The following RAPGEF6 variants were observed in gnomAD, a reference collection of about 807,000 sequenced individuals.
RAPGEF6 encodes Rap guanine nucleotide exchange factor 6.
In RAPGEF6, 56 loss-of-function variants were observed where a neutral mutation model predicts 171.4. The ratio of observed to expected loss-of-function variants is 0.33; its 90% CI spans 0.26 to 0.41. The LOEUF is 0.41. RAPGEF6 is among the 10% of genes least tolerant of loss of function. The pLI is 1.00. For missense variants in RAPGEF6, 1,674 were observed against 1,921.4 expected (o/e 0.87, Z 2.41); for synonymous variants, 692 against 650.1 (o/e 1.06, Z -0.98).
intron 25 of RAPGEF6, among the ~76,000 whole-genome samples, chr5:131,432,865 A>G (rs1247256514): frequency 6.6e-6 from 1 of 152,174 alleles, no homozygotes; most frequent in Non-Finnish European, 1.5e-5. Flanking sequence ...TAAATTTTTC[A>G]TATTAAAGTA....
At chr5:131,562,083 T>C in intron 4 of RAPGEF6, 36 bp from the exon 5 acceptor site, 1 of 1,393,192 alleles carries the variant, frequency 7.2e-7, no homozygotes, top group Non-Finnish European at 9.9e-7. Flanking sequence ...TTAGCAAAGG[T>C]TATTAATAAA....
intron 23 of RAPGEF6, 94 bp from the exon 24 acceptor site, chr5:131,439,809 C>A: frequency 1.3e-6 from 2 of 1,509,592 alleles, no homozygotes; most frequent in South Asian, 2.6e-5. Context: ...CTATGATGCA[C>A]AATGGCTAGT....
At chr5:131,596,037 C>A (rs1159503816) in intron 3 of RAPGEF6, among the ~76,000 whole-genome samples, 1 of 151,850 alleles carries the variant, frequency 6.6e-6, no homozygotes, top group East Asian at 1.9e-4. Flanking sequence ...GCCTGTAATA[C>A]CAGCTACTTG....
At chr5:131,632,651 G>A (rs1393933889) in intron 1 of RAPGEF6, among the ~76,000 whole-genome samples, 2 of 152,164 alleles carry the variant, frequency 1.3e-5, no homozygotes, top group Non-Finnish European at 2.9e-5. Context: ...GCCTTCAGCT[G>A]CTAGACTCCC....
chr5:131,546,243 C>A (rs1352145060), intron 6 of RAPGEF6, among the ~76,000 whole-genome samples: 3 of 152,126 alleles, frequency 2.0e-5, no homozygotes. Flanking sequence ...ATTAATTCTA[C>A]CTCTTGACAT....
chr5:131,500,327 G>A (rs1354892523), intron 11 of RAPGEF6, among the ~76,000 whole-genome samples: 5 of 152,138 alleles, frequency 3.3e-5, no homozygotes, highest in Non-Finnish European at 7.3e-5. Context: ...CTAAGCCTAA[G>A]AGTACCAAAT....
chr5:131,438,864 G>A (rs1035787816), intron 24 of RAPGEF6, among the ~76,000 whole-genome samples: 2 of 152,094 alleles, frequency 1.3e-5, no homozygotes, highest in African/African-American at 2.4e-5. Context: ...ACTAAAAAAG[G>A]AAAAGCATAT....
At chr5:131,580,935 T>C (rs773942577) in intron 4 of RAPGEF6, among the ~76,000 whole-genome samples, 7 of 152,184 alleles carry the variant, frequency 4.6e-5, no homozygotes, top group Non-Finnish European at 8.8e-5. Flanking sequence ...GTCTCCCTCA[T>C]GACACCAACA....
chr5:131,595,264 C>A (rs564881542), intron 3 of RAPGEF6, among the ~76,000 whole-genome samples: 2 of 142,766 alleles, frequency 1.4e-5, no homozygotes, highest in East Asian at 4.2e-4. Flanking sequence ...TGTGGCATTT[C>A]CCCCCATCGC....
At chr5:131,433,743 C>A (rs954402699) in intron 24 of RAPGEF6, 85 bp from the exon 25 acceptor site, 196 of 956,510 alleles carry the variant, frequency 2.0e-4, no homozygotes, top group Non-Finnish European at 2.4e-4. Context: ...AAAAAAAAAA[C>A]CCCACAAAAA....
At chr5:131,495,411 A>G (rs1298245949) in intron 13 of RAPGEF6, 142 bp downstream of exon 13, 10 of 507,564 alleles carry the variant, frequency 2.0e-5, no homozygotes, top group Admixed American at 3.9e-5. Context: ...TAAATGAACA[A>G]AAGTCTAGAA....
chr5:131,572,574 G>A (rs749106597), intron 4 of RAPGEF6, among the ~76,000 whole-genome samples: 1 of 152,114 alleles, frequency 6.6e-6, no homozygotes, highest in Non-Finnish European at 1.5e-5. Context: ...CTGTGGAGAT[G>A]CCTGCTTTGG....
chr5:131,532,113 T>C (rs1436098058), intron 6 of RAPGEF6: 4 of 449,146 alleles, frequency 8.9e-6, no homozygotes, highest in Admixed American at 7.5e-5. Flanking sequence ...TGGAGGCCCA[T>C]GGCTGAAGAC....
At position 131,453,274 on chromosome 5, in the gene RAPGEF6, C is replaced by T. The variant is rs76067705; in HGVS notation, c.3077-97G>A. 1.1e-4 allele frequency: 166 copies of T among 1,457,000 alleles called. No individual in the cohort carries two copies. The East Asian group carries it at 4.0e-3, about 36-fold the overall frequency. 90.3% of individuals were successfully genotyped at this position (1,457,000 alleles called of 1,614,324 possible). A position where few individuals can be genotyped will look rare whatever the true frequency, so the allele number is the denominator to read the frequency against. The stretch of plus-strand genomic sequence containing the variant: ...TAATCTTGAGGGGCACAAAGAAGGA[C>T]CTTCTTTATCACAGTGCCAATTTTG... On this transcript the variant is annotated intron_variant, in intron 20 of 27. Coordinates refer to ENST00000509018, the MANE Select transcript of RAPGEF6 (RefSeq NM_016340.6).
At chr5:131,593,441 G>T (rs1763704265) in intron 3 of RAPGEF6, among the ~76,000 whole-genome samples, 1 of 152,238 alleles carries the variant, frequency 6.6e-6, no homozygotes, top group East Asian at 1.9e-4. Context: ...GTGGGGCACT[G>T]CTACAAAGAT....
rs1331870152 is a variant in RAPGEF6, at chr5:131,431,060, C to A, written c.4264G>T (p.Gly1422Trp). The part of the protein sequence containing the change: ...SCSKSCSRTC[G>W]QCKGSLERKS... ...CTCTCTAGGCTTCCTTTACACTGCC[C>A]ACAAGTTCTAGAGCAGCTTTTAGAA... Residue 1422 changes from glycine (G) to tryptophan (W), a missense_variant, in exon 26 of 28, where the codon GGG (glycine) becomes TGG (tryptophan). By Grantham distance (184) the Gly-to-Trp change is radical. Coordinates refer to ENST00000509018, the MANE Select transcript of RAPGEF6 (RefSeq NM_016340.6). 2 of 1,614,024 alleles carry A rather than the reference C, an allele frequency of 1.2e-6. No homozygotes were observed. Among genetic ancestry groups the A allele is most frequent in the Admixed American group, 1.7e-5 (1 of 60,006 alleles).
chr5:131,580,156 T>C (rs1016503711), intron 4 of RAPGEF6, among the ~76,000 whole-genome samples: 2 of 152,120 alleles, frequency 1.3e-5, no homozygotes, highest in Non-Finnish European at 2.9e-5. Flanking sequence ...CATGGCGGGC[T>C]GCAGGTCCCC....
At chr5:131,512,600 A>G (rs1757809819) in intron 7 of RAPGEF6, among the ~76,000 whole-genome samples, 2 of 152,200 alleles carry the variant, frequency 1.3e-5, no homozygotes, top group Admixed American at 1.3e-4. Context: ...CACAGCTTTA[A>G]GTAATAGTCA....
chr5:131,542,764 A>G (rs912395682), intron 6 of RAPGEF6, among the ~76,000 whole-genome samples: 5 of 152,230 alleles, frequency 3.3e-5, no homozygotes, highest in Non-Finnish European at 7.4e-5. Flanking sequence ...GACAAAGAAT[A>G]AAAGTACATC....
Sources: gnomAD v4.1 joint callset for allele counts (sites outside exome capture counted in the v4.1 genomes callset) on GRCh38, gnomAD v4.1.1 for gene constraint, MANE v1.5 for transcripts, NCBI Gene and HGNC (gene_info 2026-07-23, HGNC 2026-07-21) for gene names.